Variants in PRMT8 observed in about 807,000 individuals in gnomAD.
PRMT8 encodes the protein protein arginine methyltransferase 8.
In PRMT8, 7 loss-of-function variants were observed where a neutral mutation model predicts 47.1. The ratio of observed to expected loss-of-function variants is 0.15; its 90% CI spans 0.08 to 0.28. The LOEUF (loss-of-function observed/expected upper bound fraction) is 0.28. Ranked by LOEUF, PRMT8 falls within the 10% of genes least tolerant of loss-of-function variation. The pLI is 1.00. For synonymous variants in PRMT8, 188 were observed against 186.5 expected, an observed-to-expected ratio of 1.01 and a Z score of -0.07; for missense variants, 237 against 505.4, an observed-to-expected ratio of 0.47 and a Z score of 5.09.
intron 1 of PRMT8, among the ~76,000 whole-genome samples, chr12:3,404,290 G>A (rs1046765770): frequency 6.6e-6 from 1 of 151,952 alleles, no homozygotes; most frequent in Non-Finnish European, 1.5e-5. Context: ...TTCCTTCAAT[G>A]TGCTGTTTTC....
chr12:3,423,911 A>G (rs1009940644), intron 1 of PRMT8, among the ~76,000 whole-genome samples: 8 of 152,282 alleles, frequency 5.3e-5, no homozygotes, highest in African/African-American at 1.9e-4. Flanking sequence ...TTCAGGACCC[A>G]GAAATTATTA....
At chr12:3,516,636 G>C (rs576448408) in intron 1 of PRMT8, among the ~76,000 whole-genome samples, 1 of 152,266 alleles carries the variant, frequency 6.6e-6, no homozygotes, top group African/African-American at 2.4e-5. Flanking sequence ...GGTGACATTT[G>C]AATAAAGACT....
upstream of PRMT8, among the ~76,000 whole-genome samples, chr12:3,489,287 G>A (rs1865350328): frequency 6.6e-6 from 1 of 152,020 alleles, no homozygotes; most frequent in Non-Finnish European, 1.5e-5. Context: ...GCCTATTTCG[G>A]TGGGAGCTTG....
At chr12:3,459,508 A>T (rs953658434) in intron 1 of PRMT8, among the ~76,000 whole-genome samples, 4 of 152,234 alleles carry the variant, frequency 2.6e-5, no homozygotes, top group Admixed American at 1.3e-4. Context: ...AAGTGCAGGC[A>T]TGATTTTTTC....
chr12:3,589,771 G>T (rs1867259548), intron 8 of PRMT8, among the ~76,000 whole-genome samples: 1 of 152,150 alleles, frequency 6.6e-6, no homozygotes, highest in South Asian at 2.1e-4. Flanking sequence ...GGCATGTTTT[G>T]GGGACTACCA....
chr12:3,454,176 C>A (rs1463943426), intron 1 of PRMT8, among the ~76,000 whole-genome samples: 1 of 152,158 alleles, frequency 6.6e-6, no homozygotes, highest in South Asian at 2.1e-4. Flanking sequence ...AGCTTAATGC[C>A]GCCCCCGCCC....
At chr12:3,491,055 G>A (rs1865386330), upstream of PRMT8, 1 of 628,616 alleles carries the variant, frequency 1.6e-6, no homozygotes, top group South Asian at 7.1e-5. Context: ...GGAGGCGGCC[G>A]AGACCCTCGG....
chr12:3,586,739 TG>T (rs776403614), intron 8 of PRMT8, among the ~76,000 whole-genome samples: 1 of 152,254 alleles, frequency 6.6e-6, no homozygotes, highest in Non-Finnish European at 1.5e-5. Flanking sequence ...TGTGCAAGAC[TG>T]CCCTGAACCA....
chr12:3,547,358 TA>T (rs34749795), intron 2 of PRMT8, among the ~76,000 whole-genome samples: 76 of 146,042 alleles, frequency 5.2e-4, no homozygotes, highest in Middle Eastern at 3.6e-3. Flanking sequence ...TAAAGAAATC[TA>T]AAAAAAAAAC....
In PRMT8 at chr12:3,493,249, C is replaced by G. The variant is rs1436791509; in HGVS notation, c.75+1549C>G. Among the ~76,000 whole-genome samples the G allele has an allele frequency of 1.3e-5, 2 of 152,136 alleles. 1 individual carries two copies. The highest frequency in any genetic ancestry group is 4.8e-5 in the African/African-American group (2 of 41,422). On this transcript the variant is annotated intron_variant, in intron 1 of 9. Coordinates refer to ENST00000382622, the MANE Select transcript of PRMT8 (RefSeq NM_019854.5). This position sits in a 1 kb window ranked among gnomAD's most constrained non-coding sequence, Gnocchi z 8.2. ...CAGCCCCCACCTGAGAGCAGACATT[C>G]GGAATGATGTGTAGTGCGAGGCGGC...
At chr12:3,573,076 T>G (rs1347215888) in intron 6 of PRMT8, among the ~76,000 whole-genome samples, 1 of 152,198 alleles carries the variant, frequency 6.6e-6, no homozygotes, top group Non-Finnish European at 1.5e-5. Context: ...AAATATTTTT[T>G]TCTGCCTGAT....
intron 1 of PRMT8, among the ~76,000 whole-genome samples, chr12:3,518,417 A>T (rs1020961495): frequency 3.1e-4 from 47 of 151,882 alleles, no homozygotes; most frequent in Admixed American, 1.2e-3. Context: ...TTTAAAAAAA[A>T]GGCCACTCTT....
chr12:3,391,975 A>C (rs1227179993), intron 1 of PRMT8, among the ~76,000 whole-genome samples: 2 of 152,130 alleles, frequency 1.3e-5, no homozygotes, highest in Non-Finnish European at 2.9e-5. Context: ...CCACAAATAG[A>C]GAGAGGAGAA....
At position 3,535,527 on chromosome 12, in the gene PRMT8, C is replaced by T. The variant is rs76211101; in HGVS notation, c.76-5079C>T. On this transcript the variant is annotated intron_variant, in intron 1 of 9. Coordinates refer to ENST00000382622, the MANE Select transcript of PRMT8 (RefSeq NM_019854.5). This position sits in a 1 kb window ranked among gnomAD's most constrained non-coding sequence, Gnocchi z 4.7. ...AGGGCCCTGGGCCTGGGCCTTTGGACGGAGGTGGGGAAAGAGCAAGGCAGG... is the reference window on the plus strand; with the variant it reads ...AGGGCCCTGGGCCTGGGCCTTTGGATGGAGGTGGGGAAAGAGCAAGGCAGG... Among the ~76,000 whole-genome samples, 3,541 of 152,170 alleles carry T rather than the reference C, an allele frequency of 0.023. 90 individuals carry two copies. The highest frequency in any genetic ancestry group is 0.068 in the African/African-American group (2,822 of 41,518).
intron 1 of PRMT8, among the ~76,000 whole-genome samples, chr12:3,451,513 G>A (rs1400764766): frequency 6.6e-6 from 1 of 152,184 alleles, no homozygotes; most frequent in Non-Finnish European, 1.5e-5. Context: ...ATTTGCTCTT[G>A]TTTTCTAAGT....
At position 3,540,613 on chromosome 12, in the gene PRMT8, G is replaced by GCCCCCCCAACC; in HGVS notation, c.90_91insAACCCCCCCCC (p.Ser31AsnfsTer39). On this transcript the variant is annotated frameshift_variant, in exon 2 of 10. Transcript: ENST00000382622. LOFTEE classifies it high-confidence loss of function. ...CCCTTCTCTTCCCCTCAGGTGAACA[G>GCCCCCCCAACC]CCCCCCCTCCCAGCCCCCCCAGCCC... The GCCCCCCCAACC allele has an allele frequency of 1.8e-6, 2 of 1,130,522 alleles. No homozygotes were observed. Among genetic ancestry groups the GCCCCCCCAACC allele is most frequent in the Non-Finnish European group, 2.7e-6 (2 of 752,492 alleles). 70.0% of individuals were successfully genotyped at this position (1,130,522 alleles called of 1,614,324 possible).
In PRMT8 at chr12:3,443,331, G is replaced by A. The variant is rs190676290; in HGVS notation, c.48+61889G>A. 4.2e-3 allele frequency among the ~76,000 whole-genome samples: 638 copies of A among 152,184 alleles called. 3 individuals carry two copies. Among genetic ancestry groups the A allele is most frequent in the African/African-American group, 0.015 (608 of 41,500 alleles). On this transcript the variant is annotated intron_variant, in intron 1 of 9. Transcript: ENST00000452611. The stretch of plus-strand genomic sequence containing the variant: ...GTCCAAAAACAGAGTTCTTAATGAC[G>A]GTGCCTCCCCCATCCCCCAAACCGG...
rs1865464315 is a variant in PRMT8 at position 3,493,895 on chromosome 12, G to A, written c.75+2195G>A. 6.6e-6 allele frequency among the ~76,000 whole-genome samples: 1 copy of A among 152,252 alleles called. No individual in the cohort carries two copies. Among genetic ancestry groups the A allele is most frequent in the Non-Finnish European group, 1.5e-5 (1 of 68,046 alleles). ...TTGGAGGGGTGTGAGCCAGGTTGGC[G>A]GATCGGTTCTTAGCAACTTCCCTGG... On this transcript the variant is annotated intron_variant, in intron 1 of 9. Coordinates refer to ENST00000382622, the MANE Select transcript of PRMT8 (RefSeq NM_019854.5). The surrounding 1 kb of genome is among the most constrained non-coding windows in gnomAD (Gnocchi z 8.2).
At chr12:3,549,626 C>G (rs1317282915) in intron 2 of PRMT8, among the ~76,000 whole-genome samples, 1 of 152,126 alleles carries the variant, frequency 6.6e-6, no homozygotes, top group Non-Finnish European at 1.5e-5. Flanking sequence ...ACTTAAATCT[C>G]TTATGCTATG....
Sources: gnomAD v4.1 joint callset for allele counts (sites outside exome capture counted in the v4.1 genomes callset) on GRCh38, gnomAD v4.1.1 for gene constraint, Gnocchi (gnomAD v3.1) non-coding constraint, MANE v1.5 for transcripts, NCBI Gene and HGNC (gene_info 2026-07-23, HGNC 2026-07-21) for gene names.